AFF2: variants seen among roughly 807,000 people sequenced by gnomAD.
The protein encoded by AFF2 is ALF transcription elongation factor 2.
Under a neutral mutation model 76.9 loss-of-function variants are expected in AFF2, and 14 were observed. The observed-to-expected ratio is 0.18, with a 90% CI of 0.12 to 0.28. AFF2 has a LOEUF of 0.28. Among genes scored for constraint, AFF2 ranks in the 10% least tolerant of loss-of-function variants. The probability of loss-of-function intolerance (pLI) is 1.00; values close to 1 mark genes in which losing one functional copy is unlikely to be tolerated. For synonymous variants in AFF2, 398 were observed against 366.7 expected (o/e 1.09, Z -0.98); for missense variants, 868 against 1,001.1 (o/e 0.87, Z 1.79).
At chrX:148,680,166 G>A (rs1400351864) in intron 3 of AFF2, among the ~76,000 whole-genome samples, 3 of 111,451 alleles carry the variant, frequency 2.7e-5, no homozygotes, top group Non-Finnish European at 5.7e-5. Context: ...TCTTTACAGG[G>A]GGATCCAAAA....
intron 3 of AFF2, among the ~76,000 whole-genome samples, chrX:148,746,545 G>A (rs2055422336): frequency 8.9e-6 from 1 of 112,238 alleles, no homozygotes; most frequent in Admixed American, 9.4e-5. Flanking sequence ...TTAAACCCCT[G>A]CCTAAAGGAT....
At chrX:148,716,011 CTCTG>C (rs1288773568) in intron 3 of AFF2, among the ~76,000 whole-genome samples, 1 of 111,490 alleles carries the variant, frequency 9.0e-6, no homozygotes, top group Non-Finnish European at 1.9e-5. Flanking sequence ...CTCTCTCTCT[CTCTG>C]TGTGTGTGTG....
chrX:148,605,646 G>A (rs1157732682), intron 1 of AFF2, among the ~76,000 whole-genome samples: 1 of 112,115 alleles, frequency 8.9e-6, no homozygotes, highest in Non-Finnish European at 1.9e-5. Context: ...AAATAAGGAA[G>A]TGTTGACAAA....
At chrX:148,754,951 A>G (rs1450147116) in intron 3 of AFF2, among the ~76,000 whole-genome samples, 1 of 111,886 alleles carries the variant, frequency 8.9e-6, no homozygotes, top group Non-Finnish European at 1.9e-5. Flanking sequence ...ATCTTTAAGG[A>G]TTCTGAATAA....
At chrX:148,984,092 A>C (rs1557291165) in intron 19 of AFF2, among the ~76,000 whole-genome samples, 1 of 110,009 alleles carries the variant, frequency 9.1e-6, no homozygotes, top group African/African-American at 3.3e-5. Flanking sequence ...AGGGCTGCTG[A>C]GGATAGGGGA....
At chrX:148,853,534 C>T (rs1354445012) in intron 7 of AFF2, among the ~76,000 whole-genome samples, 1 of 112,048 alleles carries the variant, frequency 8.9e-6, no homozygotes, top group South Asian at 3.7e-4. Context: ...TTTGCAGTCA[C>T]CTGCTCTCAT....
chrX:148,898,344 A>G (rs2071317681), intron 8 of AFF2, among the ~76,000 whole-genome samples: 1 of 112,473 alleles, frequency 8.9e-6, no homozygotes, highest in Non-Finnish European at 1.9e-5. Flanking sequence ...GATTATGACA[A>G]TGAGAGCAAT....
intron 9 of AFF2, among the ~76,000 whole-genome samples, chrX:148,930,165 A>T (rs2071696021): frequency 8.9e-6 from 1 of 112,330 alleles, no homozygotes; most frequent in Non-Finnish European, 1.9e-5. Context: ...TGTCCAAATT[A>T]TGTATAAGTG....
chrX:148,749,365 G>T (rs953907672), intron 3 of AFF2, among the ~76,000 whole-genome samples: 2 of 109,373 alleles, frequency 1.8e-5, no homozygotes, highest in African/African-American at 6.7e-5. Flanking sequence ...TCGGACTCCC[G>T]GGCTCAACAG....
At chrX:148,652,262 A>G in intron 2 of AFF2, 131 bp downstream of exon 2, 1 of 508,229 alleles carries the variant, frequency 2.0e-6, no homozygotes, top group Non-Finnish European at 3.2e-6. Flanking sequence ...ATTTGTACAT[A>G]CACTGTATTT....
intron 1 of AFF2, among the ~76,000 whole-genome samples, chrX:148,575,980 A>G (rs1381465338): frequency 9.0e-6 from 1 of 110,695 alleles, no homozygotes; most frequent in Admixed American, 9.7e-5. Flanking sequence ...TGGGCTGATC[A>G]TGCCCGTTGT....
At chrX:148,593,983 A>G (rs2124376619) in intron 1 of AFF2, among the ~76,000 whole-genome samples, 1 of 111,776 alleles carries the variant, frequency 8.9e-6, no homozygotes, top group Admixed American at 9.6e-5. Flanking sequence ...ATTTCTTCAC[A>G]GGGATATGAA....
intron 1 of AFF2, among the ~76,000 whole-genome samples, chrX:148,512,307 A>G (rs191001740): frequency 3.6e-4 from 40 of 112,308 alleles, no homozygotes; most frequent in African/African-American, 1.3e-3. Context: ...GTAAGTGGTA[A>G]AACTTCCTGT....
intron 1 of AFF2, among the ~76,000 whole-genome samples, chrX:148,593,834 C>A (rs1301234641): frequency 9.0e-6 from 1 of 111,280 alleles, no homozygotes; most frequent in Non-Finnish European, 1.9e-5. Flanking sequence ...GATTTAGAAA[C>A]TGAAGCTCAG....
At chrX:148,954,222 T>G (rs991458068) in intron 10 of AFF2, among the ~76,000 whole-genome samples, 2 of 112,709 alleles carry the variant, frequency 1.8e-5, no homozygotes, top group Non-Finnish European at 3.7e-5. Context: ...TATTTTAATA[T>G]GCATCCTTCA....
chrX:148,749,226 T>G (rs371697185), intron 3 of AFF2, among the ~76,000 whole-genome samples: 1 of 111,186 alleles, frequency 9.0e-6, no homozygotes, highest in East Asian at 2.8e-4. Flanking sequence ...TGAGAATTAT[T>G]ATTTAAACTA....
intron 3 of AFF2, among the ~76,000 whole-genome samples, chrX:148,737,655 T>C (rs1285657856): frequency 8.9e-6 from 1 of 111,814 alleles, no homozygotes; most frequent in Non-Finnish European, 1.9e-5. Context: ...CAGTACTATG[T>C]TGAAGAGGAG....
At chrX:148,825,751 T>G (rs1236306356) in intron 4 of AFF2, among the ~76,000 whole-genome samples, 1 of 108,866 alleles carries the variant, frequency 9.2e-6, no homozygotes, top group African/African-American at 3.4e-5. Flanking sequence ...ACCAGGGTTT[T>G]TTTTTTTTTT....
intron 1 of AFF2, among the ~76,000 whole-genome samples, chrX:148,592,839 G>A (rs1557246857): frequency 1.8e-5 from 2 of 112,235 alleles, no homozygotes; most frequent in Non-Finnish European, 3.8e-5. Context: ...TCCCAGCTGA[G>A]CCCAGGCAGG....
Sources: allele counts gnomAD v4.1 joint callset (sites outside exome capture counted in the v4.1 genomes callset), GRCh38; gene constraint gnomAD v4.1.1; transcripts MANE v1.5; gene names NCBI Gene and HGNC (gene_info 2026-07-23, HGNC 2026-07-21).